The following AGBL5 variants were observed in gnomAD, a reference collection of about 807,000 sequenced individuals.
AGBL5 encodes cytosolic carboxypeptidase-like protein 5.
Under a neutral mutation model 88.0 loss-of-function variants are expected in AGBL5, and 51 were observed. The ratio of observed to expected loss-of-function variants is 0.58; its 90% CI spans 0.46 to 0.73. The LOEUF (loss-of-function observed/expected upper bound fraction) is 0.73. Ranked by LOEUF, AGBL5 falls within the 30% of genes least tolerant of loss-of-function variation. The pLI, the probability that AGBL5 is intolerant of heterozygous loss-of-function variation, is 0.00. For missense variants in AGBL5, 1,031 were observed against 1,162.2 expected (o/e 0.89, Z 1.64); for synonymous variants, 446 against 438.8 (o/e 1.02, Z -0.21).
chr2:27,068,740 T>C lies in AGBL5; in HGVS notation c.2351T>C (p.Leu784Ser). 6.2e-7 allele frequency: 1 copy of C among 1,614,120 alleles called. No homozygotes were observed. The highest frequency in any genetic ancestry group is 8.5e-7 in the Non-Finnish European group (1 of 1,180,004). ...GARMPCIKTR[L>S]QARPRLGRGS... is the part of the protein sequence containing the mutation. The stretch of plus-strand genomic sequence containing the variant: ...CGGATGCCCTGCATCAAGACTCGAT[T>C]GCAGGTAATATTTTTGGGTCTCCAG... Residue 784 changes from leucine to serine, a missense_variant, in exon 13 of 15, where the codon TTG becomes TCG. Leu to Ser is a moderately radical substitution (Grantham distance 145). This residue lies in a region of AGBL5 where 491 missense variants were observed against 484.0 expected (regional missense o/e 1.01). Transcript: ENST00000360131.
At chr2:27,059,114 T>C in intron 10 of AGBL5, 76 bp from the exon 11 acceptor site, 1 of 1,423,978 alleles carries the variant, frequency 7.0e-7, no homozygotes, top group Non-Finnish European at 9.6e-7. Context: ...GAAGCTTTAC[T>C]GAGCAGCAGA....
At chr2:27,051,212 G>T, upstream of AGBL5, among the ~76,000 whole-genome samples, 1 of 152,326 alleles carries the variant, frequency 6.6e-6, no homozygotes, top group East Asian at 1.9e-4. Flanking sequence ...TAAGCAGCAG[G>T]CGGGGGATTA....
intron 6 of AGBL5, 85 bp from the exon 7 acceptor site, chr2:27,055,597 C>G: frequency 1.6e-6 from 2 of 1,259,752 alleles, no homozygotes; most frequent in Admixed American, 2.2e-5. Flanking sequence ...AAGTCAGTCT[C>G]CTACGGTCTC....
chr2:27,054,737 G>A lies in AGBL5; in HGVS notation c.659G>A (p.Arg220Gln), dbSNP rs1216390531. ...ITSCHGLRED[R>Q]EPRLEQLFPD... ...TCCTGCCATGGGCTTCGAGAAGATC[G>A]AGAGCCCCGTCTAGAGCAGCTATTT... Residue 220 changes from arginine (R) to glutamine (Q), a missense_variant, in exon 5 of 15, where the codon CGA (arginine) becomes CAA (glutamine). Coordinates refer to ENST00000360131, the MANE Select transcript of AGBL5 (RefSeq NM_021831.6). The A allele has an allele frequency of 3.7e-6, 6 of 1,613,830 alleles. No individual in the cohort carries two copies. Among genetic ancestry groups the A allele is most frequent in the Non-Finnish European group, 5.1e-6 (6 of 1,180,016 alleles).
chr2:27,057,454 G>A lies in AGBL5; in HGVS notation c.1671+16G>A, dbSNP rs1572819938. The A allele has an allele frequency of 1.9e-6, 3 of 1,583,938 alleles. No individual in the cohort carries two copies. The highest frequency in any genetic ancestry group is 2.3e-5 in the South Asian group (2 of 87,994). The stretch of plus-strand genomic sequence containing the variant: ...ATTTGAGCAGGTATGAATACATGGT[G>A]TAAGTGGGAAAAGGGAGAAACCTTA... On this transcript the variant is annotated intron_variant, in intron 9 of 14. Transcript: ENST00000360131.
chr2:27,057,710 C>T (rs1434506706), intron 9 of AGBL5, among the ~76,000 whole-genome samples: 1 of 152,204 alleles, frequency 6.6e-6, no homozygotes, highest in Non-Finnish European at 1.5e-5. Context: ...CTTTCTCATT[C>T]TATTGGATTT....
At chr2:27,052,277 C>T (rs1452695355) in intron 1 of AGBL5, 1 of 152,360 alleles carries the variant, frequency 6.6e-6, no homozygotes, top group Non-Finnish European at 1.5e-5. Context: ...GCTAGGTGAG[C>T]CCAGTAGCCT....
At chr2:27,067,192 G>C (rs1669029416) in intron 11 of AGBL5, among the ~76,000 whole-genome samples, 1 of 151,104 alleles carries the variant, frequency 6.6e-6, no homozygotes, top group African/African-American at 2.4e-5. Flanking sequence ...GCTGAGGCTC[G>C]GTGAGCCATG....
chr2:27,067,587 G>A lies in AGBL5; in HGVS notation c.2183G>A (p.Gly728Asp). Residue 728 changes from glycine (G) to aspartate (D), a missense_variant, in exon 12 of 15, where the codon GGC (glycine) becomes GAC (aspartate). By Grantham distance (94) the Gly-to-Asp change is moderately conservative. Transcript: ENST00000360131. ...LAPSPAPTSS[G>D]PASSHKLGSC... is the part of the protein sequence containing the mutation. ...CCATCCCCAGCTCCTACTAGTTCTG[G>A]CCCAGCCTCCTCACACAAGCTGGGC... 1 of 1,613,950 alleles carries A rather than the reference G, an allele frequency of 6.2e-7. No homozygotes were observed. The highest frequency in any genetic ancestry group is 2.2e-5 in the East Asian group (1 of 44,864).
intron 1 of AGBL5, chr2:27,052,623 G>C: frequency 5.4e-6 from 1 of 183,564 alleles, no homozygotes; most frequent in African/African-American, 2.3e-5. Flanking sequence ...AAGCAGCTGA[G>C]AGTTTAGTGT....
At chr2:27,056,589 T>C in intron 7 of AGBL5, 34 bp from the exon 8 acceptor site, 1 of 1,565,942 alleles carries the variant, frequency 6.4e-7, no homozygotes, top group East Asian at 2.3e-5. Flanking sequence ...CCCTTCTGTC[T>C]CTCCTTCTGA....
At chr2:27,050,943 A>C (rs575808513), upstream of AGBL5, 13 of 152,320 alleles carry the variant, frequency 8.5e-5, no homozygotes, top group African/African-American at 3.1e-4. Flanking sequence ...GCCTCCTGTG[A>C]CTTAGCATTC....
chr2:27,059,749 T>A (rs945176161), intron 11 of AGBL5, among the ~76,000 whole-genome samples: 4 of 152,244 alleles, frequency 2.6e-5, no homozygotes, highest in African/African-American at 4.8e-5. Flanking sequence ...TGGGGGCAGT[T>A]AAGGGAATGT....
In AGBL5 at chr2:27,056,747, G is replaced by C; in HGVS notation, c.1490G>C (p.Gly497Ala). The C allele has an allele frequency of 6.2e-7, 1 of 1,613,372 alleles. No individual in the cohort carries two copies. Among genetic ancestry groups the C allele is most frequent in the East Asian group, 2.2e-5 (1 of 44,850 alleles). Residue 497 changes from glycine to alanine, a missense_variant, in exon 8 of 15, where the codon GGA (glycine) becomes GCA (alanine). Physicochemically the swap from Gly to Ala is moderately conservative, Grantham distance 60 (BLOSUM62 0). Coordinates refer to ENST00000360131, the MANE Select transcript of AGBL5 (RefSeq NM_021831.6). ...CGTAGAGATGGCCAGTCTAAAGAGGGAAGCGGCCGTGTTGCAATCTACAAA... is the reference window on the plus strand; with the variant it reads ...CGTAGAGATGGCCAGTCTAAAGAGGCAAGCGGCCGTGTTGCAATCTACAAA... ...RDRRDGQSKE[G>A]SGRVAIYKAS...
chr2:27,056,043 G>A lies in AGBL5; in HGVS notation c.1270G>A (p.Glu424Lys). The A allele has an allele frequency of 1.2e-6, 2 of 1,614,212 alleles. No individual in the cohort carries two copies. The highest frequency in any genetic ancestry group is 1.7e-6 in the Non-Finnish European group (2 of 1,180,042). Residue 424 changes from glutamate to lysine, a missense_variant, in exon 7 of 15, where the codon GAG becomes AAG. Physicochemically the swap from Glu to Lys is moderately conservative, Grantham distance 56 (BLOSUM62 1). This residue lies in a region of AGBL5 where 540 missense variants were observed against 678.2 expected (regional missense o/e 0.80). Coordinates refer to ENST00000360131, the MANE Select transcript of AGBL5 (RefSeq NM_021831.6). ...AGCCCCTGATACCATCCCCCCCAAA[G>A]AGAGTGGCGTTGCTTACTATGTGGA... The part of the protein sequence containing the change: ...ESAPDTIPPK[E>K]SGVAYYVDLH...
At chr2:27,051,271 A>T (rs1306055566), upstream of AGBL5, among the ~76,000 whole-genome samples, 2 of 152,182 alleles carry the variant, frequency 1.3e-5, no homozygotes, top group Non-Finnish European at 2.9e-5. Flanking sequence ...AGCGGGATCG[A>T]TGCCCGCATC....
chr2:27,056,974 C>T, intron 8 of AGBL5, 182 bp downstream of exon 8: 1 of 597,390 alleles, frequency 1.7e-6, no homozygotes. Flanking sequence ...CCAGCCTGGG[C>T]AACAAGAGCG....
intron 1 of AGBL5, among the ~76,000 whole-genome samples, 173 bp from the exon 2 acceptor site, chr2:27,052,737 ATGC>A (rs1430806167): frequency 6.6e-6 from 1 of 152,206 alleles, no homozygotes; most frequent in Non-Finnish European, 1.5e-5. Context: ...GGGGTACAGA[ATGC>A]TGCTTTCTCT....
At chr2:27,063,726 GAC>G (rs1178576576) in intron 11 of AGBL5, among the ~76,000 whole-genome samples, 2 of 152,146 alleles carry the variant, frequency 1.3e-5, no homozygotes, top group East Asian at 1.9e-4. Context: ...CAGGGAGGAT[GAC>G]ACACAGGACC....
Sources: gnomAD v4.1 joint callset for allele counts (sites outside exome capture counted in the v4.1 genomes callset) on GRCh38, gnomAD v4.1.1 for gene constraint, gnomAD v4.1.1 regional missense constraint, MANE v1.5 for transcripts, NCBI Gene and HGNC (gene_info 2026-07-23, HGNC 2026-07-21) for gene names.